Variants in MAGI3 observed in about 807,000 individuals in gnomAD.
The protein encoded by MAGI3 is membrane associated guanylate kinase, WW and PDZ domain containing 3, also known as membrane-associated guanylate kinase, WW and PDZ domain-containing protein 3.
MAGI3 carries 43 observed loss-of-function variants against 121.8 expected under a neutral mutation model. The ratio of observed to expected loss-of-function variants is 0.35; its 90% CI spans 0.28 to 0.46. The LOEUF is 0.46. Ranked by LOEUF, MAGI3 falls within the 20% of genes least tolerant of loss-of-function variation. MAGI3 has a pLI of 1.00. For synonymous variants in MAGI3, 553 were observed against 639.3 expected, an observed-to-expected ratio of 0.86 and a Z score of 2.04; for missense variants, 1,547 against 1,797.3, an observed-to-expected ratio of 0.86 and a Z score of 2.52.
At chr1:113,634,549 G>A (rs1229270789) in intron 9 of MAGI3, among the ~76,000 whole-genome samples, 3 of 152,170 alleles carry the variant, frequency 2.0e-5, no homozygotes, top group South Asian at 2.1e-4. Context: ...AGTTGTAGAT[G>A]TGCGGCGTTA....
chr1:113,398,054 A>T (rs890520950), intron 1 of MAGI3, among the ~76,000 whole-genome samples: 2 of 152,142 alleles, frequency 1.3e-5, no homozygotes, highest in African/African-American at 4.8e-5. Flanking sequence ...ATTTATCCTG[A>T]TGCAGCCACT....
intron 16 of MAGI3, among the ~76,000 whole-genome samples, chr1:113,670,102 A>C (rs1227662235): frequency 6.6e-6 from 1 of 151,734 alleles, no homozygotes; most frequent in Non-Finnish European, 1.5e-5. Flanking sequence ...CCTCTGGGTA[A>C]GTTCTGGTCC....
intron 9 of MAGI3, among the ~76,000 whole-genome samples, chr1:113,633,461 C>T (rs1385236842): frequency 1.3e-5 from 2 of 151,154 alleles, no homozygotes; most frequent in Non-Finnish European, 3.0e-5. Flanking sequence ...CGGGGTTTCA[C>T]CGTTTTAGCC....
At chr1:113,428,837 A>G (rs1022141012) in intron 1 of MAGI3, among the ~76,000 whole-genome samples, 2 of 152,222 alleles carry the variant, frequency 1.3e-5, no homozygotes, top group Non-Finnish European at 1.5e-5. Context: ...GTAGGTTCAT[A>G]TGCCTAAATT....
Position 113,580,554 on chromosome 1 carries a change from C to T in MAGI3, c.446C>T (p.Ala149Val). 6.2e-7 allele frequency: 1 copy of T among 1,608,210 alleles called. No homozygotes were observed. Among genetic ancestry groups the T allele is most frequent in the Non-Finnish European group, 8.5e-7 (1 of 1,176,822 alleles). Reference protein sequence around the residue: ...YLRTIPCTTRAPRDGEVPGVD... With the variant: ...YLRTIPCTTRVPRDGEVPGVD... ...TCTTTTTTCTTAGGCACTACAAGGG[C>T]CCCCAGGGATGGAGAAGTACCAGGA... The change falls in exon 3 of 21, where the codon GCC (alanine) becomes GTC (valine). Residue 149 changes from alanine to valine, a missense_variant. By Grantham distance (64) the Ala-to-Val change is moderately conservative. Transcript: ENST00000307546.
intron 8 of MAGI3, among the ~76,000 whole-genome samples, chr1:113,620,460 A>C (rs1407226542): frequency 6.6e-6 from 1 of 152,158 alleles, no homozygotes; most frequent in Non-Finnish European, 1.5e-5. Flanking sequence ...CCAGGGGTAT[A>C]TATGGCCATA....
At chr1:113,392,884 AT>A (rs1158949852) in intron 1 of MAGI3, among the ~76,000 whole-genome samples, 5 of 152,220 alleles carry the variant, frequency 3.3e-5, no homozygotes, top group African/African-American at 1.2e-4. Flanking sequence ...TATAGACAGC[AT>A]TTACTAGTCT....
At chr1:113,397,944 C>T (rs1570911134) in intron 1 of MAGI3, among the ~76,000 whole-genome samples, 1 of 152,156 alleles carries the variant, frequency 6.6e-6, no homozygotes, top group Non-Finnish European at 1.5e-5. Flanking sequence ...AATATATTTT[C>T]ATCTTAATCC....
At chr1:113,518,272 G>A (rs867099876) in intron 1 of MAGI3, among the ~76,000 whole-genome samples, 2 of 152,142 alleles carry the variant, frequency 1.3e-5, no homozygotes, top group Middle Eastern at 3.4e-3. Flanking sequence ...TGTTCAACTT[G>A]ACTGGTTTCC....
intron 1 of MAGI3, among the ~76,000 whole-genome samples, chr1:113,393,805 T>G (rs1422550811): frequency 1.3e-5 from 2 of 152,228 alleles, no homozygotes; most frequent in African/African-American, 4.8e-5. Context: ...TTTTTTGCTT[T>G]TATCTAAACT....
chr1:113,602,523 A>C (rs1364554059), intron 6 of MAGI3, among the ~76,000 whole-genome samples: 4 of 152,242 alleles, frequency 2.6e-5, no homozygotes, highest in African/African-American at 9.6e-5. Context: ...AAAGATCACA[A>C]ATTGACAACG....
intron 2 of MAGI3, among the ~76,000 whole-genome samples, chr1:113,579,604 A>G (rs1036157059): frequency 3.6e-4 from 55 of 152,290 alleles, no homozygotes; most frequent in African/African-American, 1.3e-3. Flanking sequence ...CACTGACTGC[A>G]GTGACTAGGA....
At chr1:113,584,767 G>A (rs541293659) in intron 3 of MAGI3, among the ~76,000 whole-genome samples, 1 of 152,196 alleles carries the variant, frequency 6.6e-6, no homozygotes, top group African/African-American at 2.4e-5. Flanking sequence ...CAGAACCCAT[G>A]TAAGGCAATC....
intron 1 of MAGI3, among the ~76,000 whole-genome samples, chr1:113,533,275 T>A (rs918685947): frequency 6.6e-6 from 1 of 152,224 alleles, no homozygotes; most frequent in African/African-American, 2.4e-5. Flanking sequence ...CAAAATCATG[T>A]CCTTTGCAGC....
At chr1:113,519,399 A>C (rs542040155) in intron 1 of MAGI3, among the ~76,000 whole-genome samples, 1 of 152,290 alleles carries the variant, frequency 6.6e-6, no homozygotes, top group South Asian at 2.1e-4. Context: ...GACTCCTATT[A>C]AATTTCTTTT....
chr1:113,613,078 A>G (rs534460877), intron 6 of MAGI3, among the ~76,000 whole-genome samples: 1 of 152,282 alleles, frequency 6.6e-6, no homozygotes, highest in African/African-American at 2.4e-5. Context: ...AGTTTTACAG[A>G]TATATTCAAA....
In MAGI3 at chr1:113,422,432, G is replaced by A. The variant is rs947102335; in HGVS notation, c.316+31083G>A. 6.6e-6 allele frequency among the ~76,000 whole-genome samples: 1 copy of A among 152,248 alleles called. No individual in the cohort carries two copies. The highest frequency in any genetic ancestry group is 1.5e-5 in the Non-Finnish European group (1 of 68,050). On this transcript the variant is annotated intron_variant, in intron 1 of 20. Transcript: ENST00000307546. This position sits in a 1 kb window ranked among gnomAD's most constrained non-coding sequence, Gnocchi z 4.3. Reference sequence around the variant, plus strand: ...CTCGTTCTGCCCACTTGGCCTGTCAGGCTGCGTTTGGCTCATGATGCCTGC... The same window carrying A: ...CTCGTTCTGCCCACTTGGCCTGTCAAGCTGCGTTTGGCTCATGATGCCTGC...
chr1:113,668,243 G>A (rs1277494709), intron 16 of MAGI3, among the ~76,000 whole-genome samples: 4 of 152,122 alleles, frequency 2.6e-5, no homozygotes, highest in African/African-American at 4.8e-5. Context: ...TATAAAAAAT[G>A]CAATAAAATG....
intron 1 of MAGI3, among the ~76,000 whole-genome samples, chr1:113,431,434 G>A (rs1557753453): frequency 6.6e-6 from 1 of 152,154 alleles, no homozygotes; most frequent in Non-Finnish European, 1.5e-5. Flanking sequence ...AAAGGTATAA[G>A]AGTTGGAAAG....
Sources: gnomAD v4.1 joint callset for allele counts (sites outside exome capture counted in the v4.1 genomes callset) on GRCh38, gnomAD v4.1.1 for gene constraint, Gnocchi (gnomAD v3.1) non-coding constraint, MANE v1.5 for transcripts, NCBI Gene and HGNC (gene_info 2026-07-23, HGNC 2026-07-21) for gene names.